PPP2R2C: variants seen among roughly 807,000 people sequenced by gnomAD.
PPP2R2C encodes protein phosphatase 2, regulatory subunit B, gamma.
A neutral mutation model predicts 45.3 loss-of-function variants in PPP2R2C; 10 were observed. The observed-to-expected ratio is 0.22, with a 90% confidence interval of 0.14 to 0.37. PPP2R2C has a LOEUF of 0.37. Ranked by LOEUF, PPP2R2C falls within the 10% of genes least tolerant of loss-of-function variation. The pLI, the probability that PPP2R2C is intolerant of heterozygous loss-of-function variation, is 1.00. For missense variants in PPP2R2C, 308 were observed against 619.7 expected (o/e 0.50, Z 5.34); for synonymous variants, 257 against 245.4 (o/e 1.05, Z -0.44).
At chr4:6,439,683 G>C (rs1310932284) in intron 1 of PPP2R2C, among the ~76,000 whole-genome samples, 2 of 152,082 alleles carry the variant, frequency 1.3e-5, no homozygotes, top group African/African-American at 2.4e-5. Context: ...ACCATGAACA[G>C]AGAGGTCTTC....
At chr4:6,498,760 G>A (rs367827906) in intron 2 of PPP2R2C, among the ~76,000 whole-genome samples, 3 of 152,216 alleles carry the variant, frequency 2.0e-5, no homozygotes, top group African/African-American at 4.8e-5. Context: ...GGGCCTGCAC[G>A]GGGACATGAG....
At chr4:6,398,688 C>T (rs1717217291) in intron 1 of PPP2R2C, among the ~76,000 whole-genome samples, 1 of 152,170 alleles carries the variant, frequency 6.6e-6, no homozygotes, top group Admixed American at 6.5e-5. Flanking sequence ...AACAGCAAGG[C>T]AGTTTCTTAA....
intron 2 of PPP2R2C, among the ~76,000 whole-genome samples, chr4:6,520,063 C>A (rs1723964633): frequency 6.6e-6 from 1 of 152,226 alleles, no homozygotes; most frequent in East Asian, 1.9e-4. Context: ...CCCAGGGAGC[C>A]CCCAAGGCGC....
rs1577114611 is a variant in PPP2R2C, at chr4:6,368,184, C to T, written c.625+4339G>A. ...TTGGTCAATAATCATTATTTTCACTCTCTTGCACACACCATCAGCTCCGTG... is the reference window on the plus strand; with the variant it reads ...TTGGTCAATAATCATTATTTTCACTTTCTTGCACACACCATCAGCTCCGTG... On this transcript the variant is annotated intron_variant, in intron 5 of 8. Coordinates refer to ENST00000382599, the MANE Select transcript of PPP2R2C (RefSeq NM_020416.4). This position sits in a 1 kb window ranked among gnomAD's most constrained non-coding sequence, Gnocchi z 4.2. Among the ~76,000 whole-genome samples the T allele has an allele frequency of 6.6e-6, 1 of 152,312 alleles. No individual in the cohort carries two copies. The highest frequency in any genetic ancestry group is 2.1e-4 in the South Asian group (1 of 4,824).
chr4:6,383,507 A>C (rs1716005729), intron 1 of PPP2R2C: 4 of 1,094,616 alleles, frequency 3.7e-6, no homozygotes, highest in East Asian at 1.2e-4. Context: ...CTGTCCCAAG[A>C]CCTGCTCTCT....
intron 1 of PPP2R2C, among the ~76,000 whole-genome samples, chr4:6,539,317 T>A (rs1724732092): frequency 1.3e-5 from 2 of 152,254 alleles, no homozygotes; most frequent in Middle Eastern, 3.4e-3. Flanking sequence ...ATTCCCCCCA[T>A]AACCCTCAGA....
In PPP2R2C at chr4:6,331,134, T is replaced by C. The variant is rs1732382209; in HGVS notation, c.961-1781A>G. ...CCACCCCCGGCTCTGCATTTTTGTG[T>C]GTCCTCCTTACTCAGCTCCCAGCAG... On this transcript the variant is annotated intron_variant, in intron 7 of 8. Coordinates refer to ENST00000382599, the MANE Select transcript of PPP2R2C (RefSeq NM_020416.4). This position sits in a 1 kb window ranked among gnomAD's most constrained non-coding sequence, Gnocchi z 5.9. 6.6e-6 allele frequency among the ~76,000 whole-genome samples: 1 copy of C among 152,190 alleles called. No homozygotes were observed. The highest frequency in any genetic ancestry group is 2.4e-5 in the African/African-American group (1 of 41,448).
intron 1 of PPP2R2C, among the ~76,000 whole-genome samples, chr4:6,388,462 GTT>G (rs1324960456): frequency 5.9e-5 from 9 of 152,194 alleles, no homozygotes; most frequent in African/African-American, 2.2e-4. Context: ...AGATGATCAA[GTT>G]AAGGTGCGGT....
At chr4:6,392,418 T>C (rs1230143875) in intron 1 of PPP2R2C, among the ~76,000 whole-genome samples, 1 of 145,284 alleles carries the variant, frequency 6.9e-6, no homozygotes, top group Non-Finnish European at 1.5e-5. Context: ...ATGAAAACTA[T>C]AGTATGGTAA....
At chr4:6,506,370 G>A (rs1183432525) in intron 2 of PPP2R2C, among the ~76,000 whole-genome samples, 2 of 152,194 alleles carry the variant, frequency 1.3e-5, no homozygotes, top group Non-Finnish European at 2.9e-5. Context: ...GTTTACGTGG[G>A]TCTCTGTATT....
intron 4 of PPP2R2C, among the ~76,000 whole-genome samples, chr4:6,374,764 C>A (rs1327116410): frequency 2.0e-5 from 3 of 152,188 alleles, no homozygotes; most frequent in Non-Finnish European, 2.9e-5. Flanking sequence ...CCTTGCTCAC[C>A]TCTAGGGCCC....
intron 4 of PPP2R2C, among the ~76,000 whole-genome samples, 196 bp from the exon 5 acceptor site, chr4:6,372,896 T>C (rs911813389): frequency 6.6e-6 from 1 of 152,232 alleles, no homozygotes; most frequent in African/African-American, 2.4e-5. Flanking sequence ...GAGGCATGGA[T>C]GCTTACCTGC....
At chr4:6,518,875 A>G (rs1478870435) in intron 2 of PPP2R2C, among the ~76,000 whole-genome samples, 1 of 147,784 alleles carries the variant, frequency 6.8e-6, no homozygotes, top group Non-Finnish European at 1.5e-5. Context: ...GTGAGACAAG[A>G]TCACACCATT....
chr4:6,501,573 TTTCA>T lies in PPP2R2C; in HGVS notation c.49+33694_49+33697del, dbSNP rs367725442. Reference sequence around the variant, plus strand: ...TTAGCACCATTAATCCTTGTAACACTTTCATTCATTCATTCATTCATTCATTCAT... The same window carrying T: ...TTAGCACCATTAATCCTTGTAACACTTTCATTCATTCATTCATTCATTCAT... On this transcript the variant is annotated intron_variant, in intron 2 of 9. Transcript: ENST00000506140. 6.9e-3 allele frequency among the ~76,000 whole-genome samples: 1,053 copies of T among 152,144 alleles called. 9 individuals carry two copies. Among genetic ancestry groups the T allele is most frequent in the African/African-American group, 0.02 (848 of 41,462 alleles).
intron 1 of PPP2R2C, chr4:6,413,926 G>A (rs755766571): frequency 7.9e-5 from 122 of 1,535,952 alleles, no homozygotes; most frequent in Non-Finnish European, 9.9e-5. Context: ...TCCCATCAGC[G>A]TCTTCGTTAT....
chr4:6,327,720 C>G (rs1732069395), intron 8 of PPP2R2C, among the ~76,000 whole-genome samples: 1 of 152,114 alleles, frequency 6.6e-6, no homozygotes, highest in Non-Finnish European at 1.5e-5. Context: ...GCTGACCCAG[C>G]TGTGCCAGCC....
intron 1 of PPP2R2C, among the ~76,000 whole-genome samples, chr4:6,433,204 C>T (rs552353074): frequency 2.6e-5 from 4 of 152,178 alleles, no homozygotes; most frequent in East Asian, 1.9e-4. Context: ...CCCCCAACCC[C>T]GTGTTGTTCG....
intron 1 of PPP2R2C, among the ~76,000 whole-genome samples, chr4:6,396,724 G>T (rs1342534075): frequency 3.3e-5 from 5 of 152,262 alleles, no homozygotes; most frequent in Non-Finnish European, 7.3e-5. Flanking sequence ...GCTCCAGGAG[G>T]CAGAGCCAGG....
At chr4:6,548,233 A>C (rs1337781332) in intron 1 of PPP2R2C, among the ~76,000 whole-genome samples, 1 of 151,706 alleles carries the variant, frequency 6.6e-6, no homozygotes, top group Admixed American at 6.6e-5. Flanking sequence ...AAAAAGAAGA[A>C]GAAGAAGAAG....
Sources: allele counts gnomAD v4.1 joint callset (sites outside exome capture counted in the v4.1 genomes callset), GRCh38; gene constraint gnomAD v4.1.1; non-coding constraint Gnocchi (gnomAD v3.1); transcripts MANE v1.5; gene names NCBI Gene and HGNC (gene_info 2026-07-23, HGNC 2026-07-21).